Variants in PCDHGA2 observed in about 807,000 individuals in gnomAD.
The protein encoded by PCDHGA2 is protocadherin gamma-A2.
A neutral mutation model predicts 59.2 loss-of-function variants in PCDHGA2; 40 were observed. The ratio of observed to expected loss-of-function variants is 0.68; its 90% CI spans 0.52 to 0.88. The LOEUF (loss-of-function observed/expected upper bound fraction) is 0.88, where lower values mean the gene tolerates loss of function less well. PCDHGA2 is among the 40% of genes least tolerant of loss of function. The probability of loss-of-function intolerance (pLI) is 0.00; values close to 1 mark genes in which losing one functional copy is unlikely to be tolerated. For synonymous variants in PCDHGA2, 560 were observed against 526.0 expected (o/e 1.06, Z -0.89); for missense variants, 1,226 against 1,204.0 (o/e 1.02, Z -0.27).
intron 1 of PCDHGA2, among the ~76,000 whole-genome samples, chr5:141,407,680 C>A (rs2094967585): frequency 6.6e-6 from 1 of 151,942 alleles, no homozygotes; most frequent in Non-Finnish European, 1.5e-5. Flanking sequence ...CAAAGATTGG[C>A]TTTGTGGTGA....
chr5:141,498,848 G>A (rs930895553), intron 2 of PCDHGA2, among the ~76,000 whole-genome samples: 3 of 151,908 alleles, frequency 2.0e-5, no homozygotes, highest in Non-Finnish European at 4.4e-5. Context: ...CAGGGGAATC[G>A]CTTGAACCCA....
rs774983500 is a variant in PCDHGA2 at position 141,490,973 on chromosome 5, G to T, written c.2425-3834G>T. ...GACTGGGAACACTCAGCCCCCCAGC[G>T]TCTCCCTCGCTCTGCTCCTCCTGGC... On this transcript the variant is annotated intron_variant, in intron 1 of 3. Transcript: ENST00000394576. The surrounding 1 kb of genome is among the most constrained non-coding windows in gnomAD (Gnocchi z 5.4). 1 of 1,613,932 alleles carries T rather than the reference G, an allele frequency of 6.2e-7. No individual in the cohort carries two copies. The highest frequency in any genetic ancestry group is 1.3e-5 in the African/African-American group (1 of 75,040).
Position 141,408,894 on chromosome 5 carries a change from C to T in PCDHGA2, c.2424+67499C>T, listed in dbSNP as rs778126197. 71 of 1,613,186 alleles carry T rather than the reference C, an allele frequency of 4.4e-5. No homozygotes were observed. The Middle Eastern group carries it at 4.9e-4, about 11-fold the overall frequency. ...AGTGCCACCGCTCACATAGAAATTT[C>T]TGTCAAGGATACCAATGATAACCCC... On this transcript the variant is annotated intron_variant, in intron 1 of 3. Transcript: ENST00000394576.
At chr5:141,360,803 G>A (rs1392769200) in intron 1 of PCDHGA2, 1 of 1,613,926 alleles carries the variant, frequency 6.2e-7, no homozygotes, top group Admixed American at 1.7e-5. Flanking sequence ...CCACCTCAAA[G>A]TGGCACGACC....
At chr5:141,383,138 G>A (rs538619604) in intron 1 of PCDHGA2, 56 of 1,614,132 alleles carry the variant, frequency 3.5e-5, no homozygotes, top group Admixed American at 2.7e-4. Flanking sequence ...CTGAACCAGC[G>A]CAGCGGCAGC....
chr5:141,350,118 T>C, intron 1 of PCDHGA2: 1 of 585,768 alleles, frequency 1.7e-6, no homozygotes, highest in Non-Finnish European at 2.6e-6. Context: ...CTTTGTCCGG[T>C]GCACTGAGCA....
chr5:141,341,267 A>C lies in PCDHGA2; in HGVS notation c.2296A>C (p.Ser766Arg). The C allele has an allele frequency of 6.2e-7, 1 of 1,614,196 alleles. No individual in the cohort carries two copies. Among genetic ancestry groups the C allele is most frequent in the Non-Finnish European group, 8.5e-7 (1 of 1,180,044 alleles). The change falls in exon 1 of 4, where the codon AGC becomes CGC. Residue 766 changes from serine to arginine, a missense_variant. Ser to Arg is a moderately radical substitution (Grantham distance 110, BLOSUM62 -1). Transcript: ENST00000394576. The part of the protein sequence containing the change: ...EVSLTADSRK[S>R]HLIFPQPNYA... ...CTCCCTCACTGCGGACTCGCGGAAG[A>C]GCCACCTGATTTTCCCCCAGCCCAA...
rs770760145 is a variant in PCDHGA2 at position 141,421,951 on chromosome 5, A to C, written c.2425-72856A>C. On this transcript the variant is annotated intron_variant, in intron 1 of 3. Transcript: ENST00000394576. Reference sequence around the variant, plus strand: ...CCTCGATGTAAATGATCACATCCCAATGTTTACACAGTCCGTATATCGCGT... The same window carrying C: ...CCTCGATGTAAATGATCACATCCCACTGTTTACACAGTCCGTATATCGCGT... 1.9e-6 allele frequency: 3 copies of C among 1,612,854 alleles called. No homozygotes were observed. The highest frequency in any genetic ancestry group is 2.5e-6 in the Non-Finnish European group (3 of 1,179,434).
intron 1 of PCDHGA2, chr5:141,423,945 A>T (rs931771609): frequency 4.1e-6 from 5 of 1,207,688 alleles, no homozygotes; most frequent in Non-Finnish European, 4.1e-6. Context: ...AGTAAGTTGA[A>T]TTTTAGTATT....
intron 1 of PCDHGA2, chr5:141,390,054 T>G (rs763200251): frequency 6.2e-7 from 1 of 1,614,070 alleles, no homozygotes; most frequent in Non-Finnish European, 8.5e-7. Context: ...CTCCTGGAGC[T>G]GCTTCCAGCC....
rs77983663 is a variant in PCDHGA2, at chr5:141,504,853, C to T, written c.2484-540C>T. 2.8e-4 allele frequency among the ~76,000 whole-genome samples: 42 copies of T among 152,214 alleles called. No homozygotes were observed. In the East Asian group the frequency reaches 7.7e-3, roughly 28 times the overall value. On this transcript the variant is annotated intron_variant, in intron 2 of 3. Transcript: ENST00000394576. ...TTCTCTAGCTCTGGAACATTCTCTT[C>T]CATTTCCCACCTTCACAGTCCTCTG... is the stretch of plus-strand genomic sequence containing the variant.
At chr5:141,501,036 T>C (rs893597004) in intron 2 of PCDHGA2, among the ~76,000 whole-genome samples, 4 of 151,702 alleles carry the variant, frequency 2.6e-5, no homozygotes, top group Non-Finnish European at 4.4e-5. Flanking sequence ...GCCCAGCTAA[T>C]TTTTGTATTT....
intron 1 of PCDHGA2, chr5:141,346,208 G>A (rs756507619): frequency 1.2e-5 from 19 of 1,614,154 alleles, no homozygotes; most frequent in Admixed American, 1.7e-5. Context: ...CACGCCTGCT[G>A]CAGGCTTCGG....
chr5:141,393,169 T>C lies in PCDHGA2; in HGVS notation c.2424+51774T>C, dbSNP rs113280752. 2,582 of 1,613,090 alleles carry C rather than the reference T, an allele frequency of 1.6e-3. 1 individual carries two copies. The highest frequency in any genetic ancestry group is 1.9e-3 in the Non-Finnish European group (2,191 of 1,179,870). On this transcript the variant is annotated intron_variant, in intron 1 of 3. Coordinates refer to ENST00000394576, the MANE Select transcript of PCDHGA2 (RefSeq NM_018915.4). ...GAGGATAAAGGAAAACTCTTTGGGGTAGAAATAGAAATAATTGATATTAAC... is the reference window on the plus strand; with the variant it reads ...GAGGATAAAGGAAAACTCTTTGGGGCAGAAATAGAAATAATTGATATTAAC...
At chr5:141,438,585 TAC>T (rs1561889967) in intron 1 of PCDHGA2, among the ~76,000 whole-genome samples, 141 of 61,160 alleles carry the variant, frequency 2.3e-3, no homozygotes, top group South Asian at 4.3e-3. Flanking sequence ...CATACATACA[TAC>T]ATACATATAT....
At chr5:141,463,738 G>C (rs1002263384) in intron 1 of PCDHGA2, among the ~76,000 whole-genome samples, 1 of 151,978 alleles carries the variant, frequency 6.6e-6, no homozygotes, top group East Asian at 1.9e-4. Flanking sequence ...GAGCCACCGC[G>C]CCCGGCCTGC....
At chr5:141,440,763 T>A (rs2098198978) in intron 1 of PCDHGA2, 1 of 152,138 alleles carries the variant, frequency 6.6e-6, no homozygotes, top group Admixed American at 6.6e-5. Flanking sequence ...AGAGCTCCCA[T>A]CCCTTAGTGC....
intron 1 of PCDHGA2, chr5:141,427,278 A>G (rs981860450): frequency 2.2e-6 from 1 of 456,706 alleles, no homozygotes; most frequent in Non-Finnish European, 4.4e-6. Context: ...ATGTAAAATT[A>G]TACTAGAAAT....
chr5:141,447,023 G>GTTT, intron 1 of PCDHGA2, among the ~76,000 whole-genome samples: 1 of 151,542 alleles, frequency 6.6e-6, no homozygotes, highest in African/African-American at 2.4e-5. Context: ...GTTTTGTTTT[G>GTTT]TTTTTTTTCT....
Sources: allele counts gnomAD v4.1 joint callset (sites outside exome capture counted in the v4.1 genomes callset), GRCh38; gene constraint gnomAD v4.1.1; non-coding constraint Gnocchi (gnomAD v3.1); transcripts MANE v1.5; gene names NCBI Gene and HGNC (gene_info 2026-07-23, HGNC 2026-07-21).